Variants in TPM1 observed in about 807,000 individuals in gnomAD.
TPM1 encodes the protein tropomyosin 1.
In TPM1, 24 loss-of-function variants were observed where a neutral mutation model predicts 42.9. The ratio of observed to expected loss-of-function variants is 0.56; its 90% CI spans 0.41 to 0.79. The LOEUF (loss-of-function observed/expected upper bound fraction) is 0.79. TPM1 is among the 30% of genes least tolerant of loss of function. The pLI, the probability that TPM1 is intolerant of heterozygous loss-of-function variation, is 0.00. For synonymous variants in TPM1, 136 were observed against 130.1 expected, an observed-to-expected ratio of 1.05 and a Z score of -0.31; for missense variants, 158 against 351.8, an observed-to-expected ratio of 0.45 and a Z score of 4.41.
exon 9 of TPM1, chr15:63,071,317 AAC>A (rs1194734811): frequency 4.1e-5 from 38 of 931,840 alleles, no homozygotes; most frequent in Non-Finnish European, 5.5e-5. Flanking sequence ...GGGTGGGGAA[AAC>A]ACATACAAAA....
At chr15:63,047,969 G>A in intron 2 of TPM1, 1 of 284,842 alleles carries the variant, frequency 3.5e-6, no homozygotes, top group South Asian at 2.7e-5. Context: ...CTACACGCGG[G>A]TGGTTTTCAC....
At chr15:63,064,849 C>T in intron 9 of TPM1, 1 of 509,872 alleles carries the variant, frequency 2.0e-6, no homozygotes, top group Non-Finnish European at 2.5e-6. Flanking sequence ...TGCCTGTAGT[C>T]CCAGCTACTC....
downstream of TPM1, chr15:63,070,966 A>G: frequency 1.3e-6 from 2 of 1,541,162 alleles, no homozygotes; most frequent in Non-Finnish European, 1.8e-6. Flanking sequence ...ATGTCTTACA[A>G]GCATGCCTAG....
At chr15:63,069,749 G>A, downstream of TPM1, 1 of 1,248,400 alleles carries the variant, frequency 8.0e-7, no homozygotes, top group Non-Finnish European at 1.2e-6. Flanking sequence ...TGCTCAGCAA[G>A]TGACCAGTTG....
intron 2 of TPM1, chr15:63,045,674 G>A (rs1449242917): frequency 6.6e-6 from 1 of 152,074 alleles, no homozygotes; most frequent in Admixed American, 6.5e-5. Context: ...AATTCTTAAG[G>A]GAAAAAAATA....
intron 1 of TPM1, 71 bp downstream of exon 1, chr15:63,043,014 C>A: frequency 7.1e-7 from 1 of 1,404,938 alleles, no homozygotes; most frequent in Non-Finnish European, 9.8e-7. Context: ...CCGGCTGGAT[C>A]CCCACCCCGA....
rs2035290615 is a variant in TPM1 at position 63,059,502 on chromosome 15, A to G, written c.375-61A>G. 56 of 1,303,714 alleles carry G rather than the reference A, an allele frequency of 4.3e-5. 2 individuals carry two copies. The South Asian group carries it at 6.5e-4, about 15-fold the overall frequency. 80.8% of individuals were successfully genotyped at this position (1,303,714 alleles called of 1,614,324 possible). On this transcript the variant is annotated intron_variant, in intron 3 of 9. Coordinates refer to ENST00000403994, the MANE Select transcript of TPM1 (RefSeq NM_001018005.2). The stretch of plus-strand genomic sequence containing the variant: ...TAAGCCTCACAAGCCACAGCAGTGC[A>G]GTGTGCATTTGGGAAGTTCAGCTCT...
chr15:63,070,931 T>C, downstream of TPM1: 3 of 1,443,520 alleles, frequency 2.1e-6, no homozygotes, highest in Non-Finnish European at 2.7e-6. Flanking sequence ...CCCCTCCGTC[T>C]TAGGTTCTTG....
rs7668 is a variant in TPM1, at chr15:63,066,047, G to T, written c.*148G>T. On this transcript the variant is annotated 3_prime_UTR_variant, in exon 10 of 10. Transcript: ENST00000403994. Reference sequence around the variant, plus strand: ...CCAGGCACACACTGTGCTTTCTATTGTACAGAAGCTCTTCGTTTCAGTGTC... The same window carrying T: ...CCAGGCACACACTGTGCTTTCTATTTTACAGAAGCTCTTCGTTTCAGTGTC... 0.031 allele frequency: 48,101 copies of T among 1,541,840 alleles called. 1,102 individuals carry two copies. The highest frequency in any genetic ancestry group is 0.083 in the South Asian group (6,860 of 82,998).
Position 63,042,761 on chromosome 15 carries a change from T to C in TPM1, c.-69T>C, listed in dbSNP as rs981665660. 52 of 1,351,606 alleles carry C rather than the reference T, an allele frequency of 3.8e-5. No homozygotes were observed. The highest frequency in any genetic ancestry group is 5.3e-5 in the Non-Finnish European group (51 of 955,596). The allele number at this position is 1,351,606 out of a possible 1,614,324, so 83.7% of individuals were successfully genotyped here. ...GGCGGCTCCGCGCTCGCACTCCCGC[T>C]CCTCCGCCCGACCGCGCGCTCGCCC... On this transcript the variant is annotated 5_prime_UTR_variant, in exon 1 of 10. Coordinates refer to ENST00000403994, the MANE Select transcript of TPM1 (RefSeq NM_001018005.2).
intron 1 of TPM1, chr15:63,043,319 C>T: frequency 1.9e-6 from 1 of 536,024 alleles, no homozygotes; most frequent in Non-Finnish European, 3.6e-6. Context: ...GTTAGAAGTT[C>T]GTTGACTTTT....
intron 4 of TPM1, 187 bp downstream of exon 4, chr15:63,059,867 A>C (rs1294070965): frequency 2.2e-6 from 1 of 447,566 alleles, no homozygotes; most frequent in African/African-American, 2.0e-5. Flanking sequence ...AGGGGATCCC[A>C]GGCTTTATCA....
At chr15:63,053,625 C>G (rs2034285163) in intron 2 of TPM1, among the ~76,000 whole-genome samples, 2 of 151,152 alleles carry the variant, frequency 1.3e-5, no homozygotes, top group Non-Finnish European at 2.9e-5. Context: ...TGCCCTCCCC[C>G]TTTGACCTCC....
At chr15:63,071,583 A>G (rs906596392) in exon 9 of TPM1, 1 of 275,518 alleles carries the variant, frequency 3.6e-6, no homozygotes, top group African/African-American at 2.2e-5. Context: ...ACATTGTACA[A>G]TGTAGAACTC....
At chr15:63,048,362 C>T in intron 2 of TPM1, 1 of 1,286,750 alleles carries the variant, frequency 7.8e-7, no homozygotes, top group South Asian at 1.7e-5. Flanking sequence ...GCGCCCCTCC[C>T]AGCCGCGCGC....
intron 5 of TPM1, chr15:63,061,292 GT>G: frequency 6.2e-7 from 1 of 1,613,800 alleles, no homozygotes; most frequent in Non-Finnish European, 8.5e-7. Flanking sequence ...GGCTCGTGTG[GT>G]TTTTAGGTTT....
chr15:63,049,047 C>T, intron 2 of TPM1: 1 of 324,260 alleles, frequency 3.1e-6, no homozygotes, highest in Non-Finnish European at 5.9e-6. Flanking sequence ...GTGCACTTTG[C>T]GCTGCTGGCT....
At chr15:63,070,306 A>ATATATATATATATATATATATG (rs58377224), downstream of TPM1, 13 of 650,464 alleles carry the variant, frequency 2.0e-5, no homozygotes, top group East Asian at 4.2e-4. Context: ...ATATATATAT[A>ATATATATATATATATATATATG]TGTGTGTGTG....
At chr15:63,052,759 G>T (rs1135403) in intron 2 of TPM1, among the ~76,000 whole-genome samples, 98,384 of 151,400 alleles carry the variant, frequency 0.65, 32,546 homozygotes, top group East Asian at 0.99. Flanking sequence ...ATTGAAATAA[G>T]CTCAAAACTT....
Sources: gnomAD v4.1 joint callset for allele counts (sites outside exome capture counted in the v4.1 genomes callset) on GRCh38, gnomAD v4.1.1 for gene constraint, MANE v1.5 for transcripts, NCBI Gene and HGNC (gene_info 2026-07-23, HGNC 2026-07-21) for gene names.